RBFOX3: variants seen among roughly 807,000 people sequenced by gnomAD.
RBFOX3 encodes RNA binding protein fox-1 homolog 3.
A neutral mutation model predicts 48.7 loss-of-function variants in RBFOX3; 17 were observed. That is an observed-to-expected ratio of 0.35 (90% CI 0.24 to 0.52). The LOEUF is 0.52. RBFOX3 is among the 20% of genes least tolerant of loss of function. RBFOX3 has a pLI of 0.94. For missense variants in RBFOX3, 382 were observed against 497.5 expected (o/e 0.77, Z 2.21); for synonymous variants, 212 against 209.5 (o/e 1.01, Z -0.10).
At chr17:79,177,657 G>A (rs2050894060) in intron 4 of RBFOX3, among the ~76,000 whole-genome samples, 1 of 152,206 alleles carries the variant, frequency 6.6e-6, no homozygotes, top group South Asian at 2.1e-4. Context: ...TTCTTCCCAT[G>A]TCCATCCCAG....
chr17:79,603,297 G>A (rs1321947423), intron 1 of RBFOX3, among the ~76,000 whole-genome samples: 4 of 152,136 alleles, frequency 2.6e-5, no homozygotes, highest in South Asian at 4.1e-4. Flanking sequence ...TGGCCTCCTT[G>A]TGGTACTCTT....
intron 4 of RBFOX3, among the ~76,000 whole-genome samples, chr17:79,118,818 A>T (rs1194413502): frequency 2.7e-5 from 2 of 72,862 alleles, no homozygotes; most frequent in African/African-American, 4.1e-5. Context: ...AAAAAATAAA[A>T]AAAAAAAAAA....
chr17:79,620,124 T>A, the RBFOX3 span, among the ~76,000 whole-genome samples: 1 of 111,742 alleles, frequency 8.9e-6, no homozygotes, highest in Non-Finnish European at 1.7e-5. Context: ...TATGCACACA[T>A]ACACACATGC....
chr17:79,467,490 G>T (rs2076467131), intron 2 of RBFOX3, among the ~76,000 whole-genome samples: 1 of 152,156 alleles, frequency 6.6e-6, no homozygotes, highest in African/African-American at 2.4e-5. Context: ...GAGGACATGA[G>T]GCCACCTGAT....
At chr17:79,664,671 C>T in the RBFOX3 span, among the ~76,000 whole-genome samples, 155 of 152,198 alleles carry the variant, frequency 1.0e-3, no homozygotes, top group Middle Eastern at 0.01. Flanking sequence ...TGTAAGTGCA[C>T]GGTTCAGTGG....
chr17:79,523,854 G>A (rs1469624729), intron 1 of RBFOX3, among the ~76,000 whole-genome samples: 5 of 152,210 alleles, frequency 3.3e-5, no homozygotes, highest in African/African-American at 4.8e-5. Flanking sequence ...AGGTAGATAA[G>A]AGTTCGGTGT....
In RBFOX3 at chr17:79,370,729, G is replaced by A. The variant is rs1391554176; in HGVS notation, c.-174-62905C>T. Among the ~76,000 whole-genome samples, 5 of 151,946 alleles carry A rather than the reference G, an allele frequency of 3.3e-5. No individual in the cohort carries two copies. The South Asian group carries it at 6.2e-4, about 19-fold the overall frequency. ...CACGGTCACATACACTAACACATAC[G>A]TGCTCACTAACACACACAGGCCTAC... On this transcript the variant is annotated intron_variant, in intron 2 of 14. Transcript: ENST00000693108.
At chr17:79,617,189 C>G in the RBFOX3 span, among the ~76,000 whole-genome samples, 1 of 152,292 alleles carries the variant, frequency 6.6e-6, no homozygotes, top group South Asian at 2.1e-4. Context: ...TCTTCCTGCT[C>G]CCTTTCAAAT....
chr17:79,155,485 G>C (rs1368129986), intron 4 of RBFOX3, among the ~76,000 whole-genome samples: 1 of 152,230 alleles, frequency 6.6e-6, no homozygotes, highest in Non-Finnish European at 1.5e-5. Flanking sequence ...GCAGTAAATG[G>C]TGCAATTTTG....
intron 2 of RBFOX3, among the ~76,000 whole-genome samples, chr17:79,324,227 C>T (rs1367492828): frequency 1.3e-5 from 2 of 152,210 alleles, no homozygotes; most frequent in African/African-American, 4.8e-5. Context: ...AAGGAACTGG[C>T]TTTGGGGGCT....
At chr17:79,224,765 T>C (rs1378988399) in intron 4 of RBFOX3, among the ~76,000 whole-genome samples, 1 of 152,240 alleles carries the variant, frequency 6.6e-6, no homozygotes, top group Non-Finnish European at 1.5e-5. Context: ...ACTCTAATTG[T>C]ACTGAATTTG....
intron 9 of RBFOX3, 77 bp downstream of exon 9, chr17:79,101,507 C>T (rs1404124992): frequency 2.3e-6 from 3 of 1,302,184 alleles, no homozygotes; most frequent in African/African-American, 1.5e-5. Flanking sequence ...GGTCAGCCTG[C>T]AGCAGCCTCA....
At chr17:79,416,261 T>C (rs2065339920) in intron 2 of RBFOX3, among the ~76,000 whole-genome samples, 1 of 152,324 alleles carries the variant, frequency 6.6e-6, no homozygotes, top group East Asian at 1.9e-4. Context: ...GGAGTGGACC[T>C]GGGAGCAGTT....
chr17:79,637,666 G>C, the RBFOX3 span, among the ~76,000 whole-genome samples: 7 of 150,184 alleles, frequency 4.7e-5, no homozygotes, highest in Non-Finnish European at 1.0e-4. Flanking sequence ...TTGAACTCCA[G>C]CTTGGGCAAC....
chr17:79,234,471 A>T (rs1217909683), intron 4 of RBFOX3: 1 of 152,092 alleles, frequency 6.6e-6, no homozygotes, highest in Non-Finnish European at 1.5e-5. Flanking sequence ...GCTGAAGAAG[A>T]CTTCATACGC....
At chr17:79,159,947 T>A (rs1411939600) in intron 4 of RBFOX3, among the ~76,000 whole-genome samples, 1 of 152,156 alleles carries the variant, frequency 6.6e-6, no homozygotes, top group African/African-American at 2.4e-5. Flanking sequence ...GGGACAGTTC[T>A]CCCCAGCACC....
At chr17:79,275,703 C>T (rs2068673556) in intron 3 of RBFOX3, among the ~76,000 whole-genome samples, 1 of 152,140 alleles carries the variant, frequency 6.6e-6, no homozygotes, top group African/African-American at 2.4e-5. Flanking sequence ...ACGGTAGCTC[C>T]CCCACCCCAT....
intron 3 of RBFOX3, among the ~76,000 whole-genome samples, chr17:79,286,975 T>C (rs1262714179): frequency 6.6e-6 from 1 of 152,174 alleles, no homozygotes; most frequent in East Asian, 1.9e-4. Context: ...GGCCAGAGAC[T>C]CTGAGAAAGC....
intron 1 of RBFOX3, among the ~76,000 whole-genome samples, chr17:79,562,212 C>G (rs1015078442): frequency 6.6e-6 from 1 of 152,162 alleles, no homozygotes; most frequent in Non-Finnish European, 1.5e-5. Flanking sequence ...AATAGCATGC[C>G]GGCTGAGACT....
Sources: gnomAD v4.1 joint callset for allele counts (sites outside exome capture counted in the v4.1 genomes callset) on GRCh38, gnomAD v4.1.1 for gene constraint, MANE v1.5 for transcripts, NCBI Gene and HGNC (gene_info 2026-07-23, HGNC 2026-07-21) for gene names.